DOCK3: variants seen among roughly 807,000 people sequenced by gnomAD.
DOCK3 encodes the protein dedicator of cytokinesis 3.
Under a neutral mutation model 265.6 loss-of-function variants are expected in DOCK3, and 60 were observed. That is an observed-to-expected ratio of 0.23 (90% CI 0.18 to 0.28). DOCK3 has a LOEUF of 0.28. Among genes scored for constraint, DOCK3 ranks in the 10% least tolerant of loss-of-function variants. DOCK3 has a pLI of 1.00. For synonymous variants in DOCK3, 881 were observed against 938.0 expected (o/e 0.94, Z 1.11); for missense variants, 1,981 against 2,594.3 (o/e 0.76, Z 5.14).
At chr3:50,762,547 C>T (rs370234492) in intron 1 of DOCK3, among the ~76,000 whole-genome samples, 2 of 152,198 alleles carry the variant, frequency 1.3e-5, no homozygotes, top group African/African-American at 2.4e-5. Context: ...TAAGGTAGGG[C>T]TGTATACTTT....
chr3:51,366,864 T>C (rs548619936), intron 49 of DOCK3, among the ~76,000 whole-genome samples: 1 of 152,274 alleles, frequency 6.6e-6, no homozygotes, highest in Non-Finnish European at 1.5e-5. Flanking sequence ...CCGTTTGTTA[T>C]AATTTCTTTT....
intron 12 of DOCK3, among the ~76,000 whole-genome samples, chr3:51,195,548 G>A (rs1053106961): frequency 6.6e-6 from 1 of 151,950 alleles, no homozygotes; most frequent in Non-Finnish European, 1.5e-5. Flanking sequence ...CCAAGTAGCT[G>A]AGATTACAGA....
At chr3:51,235,946 T>C (rs1035996328) in intron 19 of DOCK3, among the ~76,000 whole-genome samples, 2 of 152,356 alleles carry the variant, frequency 1.3e-5, no homozygotes, top group Admixed American at 6.5e-5. Context: ...AGCAAGAGAC[T>C]ACTGAACTTT....
intron 9 of DOCK3, among the ~76,000 whole-genome samples, chr3:51,129,835 A>G (rs1332799656): frequency 1.3e-5 from 2 of 152,210 alleles, no homozygotes; most frequent in East Asian, 3.8e-4. Flanking sequence ...GCTGGGTCAT[A>G]TGGCCCAAGT....
intron 38 of DOCK3, among the ~76,000 whole-genome samples, chr3:51,342,749 A>G (rs1483873409): frequency 6.6e-6 from 1 of 152,212 alleles, no homozygotes; most frequent in Non-Finnish European, 1.5e-5. Flanking sequence ...AAATTTTAAC[A>G]TGGACTAGGG....
chr3:51,119,899 G>A (rs1576148121), intron 9 of DOCK3, among the ~76,000 whole-genome samples: 2 of 151,740 alleles, frequency 1.3e-5, no homozygotes, highest in Non-Finnish European at 1.5e-5. Context: ...CCTTGCATTG[G>A]GTTAGAACAT....
intron 4 of DOCK3, among the ~76,000 whole-genome samples, chr3:50,930,132 A>G (rs2108126566): frequency 6.6e-6 from 1 of 151,364 alleles, no homozygotes; most frequent in Middle Eastern, 3.4e-3. Context: ...AAATAGGAAC[A>G]CTCTAAGTTT....
At chr3:51,289,217 C>T (rs1409639516) in intron 27 of DOCK3, among the ~76,000 whole-genome samples, 1 of 152,078 alleles carries the variant, frequency 6.6e-6, no homozygotes, top group Non-Finnish European at 1.5e-5. Flanking sequence ...TGCATGTTCT[C>T]ACTTATAAGT....
At chr3:50,747,814 A>G (rs964087560) in intron 1 of DOCK3, among the ~76,000 whole-genome samples, 1 of 151,426 alleles carries the variant, frequency 6.6e-6, no homozygotes, top group Admixed American at 6.6e-5. Flanking sequence ...CAGTGAGCCA[A>G]GATTGCGCCA....
chr3:51,146,423 T>C, intron 9 of DOCK3, 126 bp from the exon 10 acceptor site: 1 of 919,880 alleles, frequency 1.1e-6, no homozygotes. Flanking sequence ...GACGTGTGTT[T>C]TTGGCCTTGC....
chr3:51,193,791 G>A (rs984552807), intron 12 of DOCK3, among the ~76,000 whole-genome samples: 1 of 135,302 alleles, frequency 7.4e-6, no homozygotes, highest in Non-Finnish European at 1.5e-5. Flanking sequence ...TTTTATTTGG[G>A]GGCTTCTCTC....
At chr3:51,039,681 T>G (rs2080402824) in intron 5 of DOCK3, among the ~76,000 whole-genome samples, 1 of 152,118 alleles carries the variant, frequency 6.6e-6, no homozygotes, top group Non-Finnish European at 1.5e-5. Flanking sequence ...TTTTCTTGAT[T>G]TGTAGCAATT....
intron 5 of DOCK3, among the ~76,000 whole-genome samples, chr3:51,006,707 T>A (rs2078689486): frequency 6.6e-6 from 1 of 152,152 alleles, no homozygotes; most frequent in Non-Finnish European, 1.5e-5. Flanking sequence ...ATGTGCTGTG[T>A]TGGTTTGCTG....
intron 3 of DOCK3, among the ~76,000 whole-genome samples, chr3:50,882,382 A>G (rs2048090697): frequency 6.6e-6 from 1 of 152,246 alleles, no homozygotes; most frequent in Non-Finnish European, 1.5e-5. Flanking sequence ...CAAAGGGCTA[A>G]TATCCAGAAT....
At position 50,887,956 on chromosome 3, in the gene DOCK3, G is replaced by A. The variant is rs1553694275; in HGVS notation, c.163-2070G>A. 2.9e-3 allele frequency among the ~76,000 whole-genome samples: 438 copies of A among 152,256 alleles called. 1 individual carries two copies. Among genetic ancestry groups the A allele is most frequent in the African/African-American group, 9.7e-3 (402 of 41,546 alleles). On this transcript the variant is annotated intron_variant, in intron 3 of 52. Coordinates refer to ENST00000266037, the MANE Select transcript of DOCK3 (RefSeq NM_004947.5). ...TCACTTTGAACACTGGCACAAGACA[G>A]GGATGCCCTCTCTCACCACTCCTGT...
intron 2 of DOCK3, among the ~76,000 whole-genome samples, chr3:50,780,298 A>G (rs1334309231): frequency 1.3e-5 from 2 of 152,238 alleles, no homozygotes; most frequent in East Asian, 3.8e-4. Context: ...AAGTGAGACA[A>G]GAATACCTAC....
intron 3 of DOCK3, among the ~76,000 whole-genome samples, chr3:50,884,305 G>C (rs1481344421): frequency 6.7e-6 from 1 of 149,276 alleles, no homozygotes; most frequent in Non-Finnish European, 1.5e-5. Context: ...TGGCAAAGCT[G>C]GTCTTGAACT....
chr3:51,101,113 C>CTT (rs59972198), intron 9 of DOCK3, among the ~76,000 whole-genome samples: 2,241 of 122,510 alleles, frequency 0.018, 124 homozygotes, highest in African/African-American at 0.048. Context: ...CTTAGTCTTT[C>CTT]TTTTTTTTTT....
At chr3:51,112,921 A>G (rs1267117811) in intron 9 of DOCK3, among the ~76,000 whole-genome samples, 1 of 152,250 alleles carries the variant, frequency 6.6e-6, no homozygotes, top group African/African-American at 2.4e-5. Flanking sequence ...TAGAGCTGCT[A>G]CATCTAAAAG....
Sources: allele counts gnomAD v4.1 joint callset (sites outside exome capture counted in the v4.1 genomes callset), GRCh38; gene constraint gnomAD v4.1.1; transcripts MANE v1.5; gene names NCBI Gene and HGNC (gene_info 2026-07-23, HGNC 2026-07-21).